LHFPL6: variants seen among roughly 807,000 people sequenced by gnomAD.
LHFPL6 encodes the protein LHFPL tetraspan subfamily member 6.
In LHFPL6, 9 loss-of-function variants were observed where a neutral mutation model predicts 20.6. The ratio of observed to expected loss-of-function variants is 0.44; its 90% CI spans 0.26 to 0.76. LHFPL6 has a LOEUF of 0.76. LHFPL6 is among the 30% of genes least tolerant of loss of function. LHFPL6 has a pLI of 0.20. For synonymous variants in LHFPL6, 105 were observed against 98.7 expected (o/e 1.06, Z -0.38); for missense variants, 218 against 253.5 (o/e 0.86, Z 0.95).
intron 3 of LHFPL6, among the ~76,000 whole-genome samples, chr13:39,371,675 A>C (rs918455050): frequency 2.0e-5 from 3 of 152,246 alleles, no homozygotes; most frequent in African/African-American, 4.8e-5. Context: ...GACAAAAGAA[A>C]GAAAAGACTA....
At chr13:39,394,625 G>A (rs533291230) in intron 2 of LHFPL6, among the ~76,000 whole-genome samples, 15 of 152,222 alleles carry the variant, frequency 9.9e-5, no homozygotes, top group African/African-American at 3.6e-4. Context: ...TACTCCATGG[G>A]TAGCCTTGTT....
At chr13:39,403,153 A>G (rs1871033944) in intron 2 of LHFPL6, among the ~76,000 whole-genome samples, 1 of 152,234 alleles carries the variant, frequency 6.6e-6, no homozygotes, top group Admixed American at 6.5e-5. Flanking sequence ...AACAGGGATC[A>G]ATACATTGTG....
chr13:39,527,723 C>T (rs1870339927), intron 2 of LHFPL6, among the ~76,000 whole-genome samples: 1 of 151,700 alleles, frequency 6.6e-6, no homozygotes, highest in African/African-American at 2.4e-5. Flanking sequence ...TGTTACTTAG[C>T]TTTTACAGTT....
intron 3 of LHFPL6, among the ~76,000 whole-genome samples, chr13:39,370,491 C>T (rs1042184830): frequency 2.6e-5 from 4 of 152,168 alleles, no homozygotes; most frequent in African/African-American, 9.7e-5. Context: ...GCCTACATTT[C>T]AATGCATGTT....
intron 2 of LHFPL6, among the ~76,000 whole-genome samples, chr13:39,415,126 T>G (rs1483581859): frequency 6.6e-6 from 1 of 152,216 alleles, no homozygotes; most frequent in African/African-American, 2.4e-5. Context: ...TAGTTTAACT[T>G]GTGCTGTGCT....
rs760482638 is a variant in LHFPL6, at chr13:39,465,271, A to T, written c.386-86745T>A. On this transcript the variant is annotated intron_variant, in intron 2 of 3. Coordinates refer to ENST00000379589, the MANE Select transcript of LHFPL6 (RefSeq NM_005780.3). ...GAAATGTTAAAGTGGCTGTACCAAT[A>T]CTAATTTCTAGAGTGACTGAGACTG... is the stretch of plus-strand genomic sequence containing the variant. 1.3e-5 allele frequency among the ~76,000 whole-genome samples: 2 copies of T among 152,126 alleles called. 1 individual carries two copies. Among genetic ancestry groups the T allele is most frequent in the Non-Finnish European group, 2.9e-5 (2 of 68,014 alleles).
At chr13:39,516,291 G>T (rs2138480712) in intron 2 of LHFPL6, among the ~76,000 whole-genome samples, 1 of 152,292 alleles carries the variant, frequency 6.6e-6, no homozygotes, top group Non-Finnish European at 1.5e-5. Flanking sequence ...TAATTTATTT[G>T]CAGGCCATCC....
intron 2 of LHFPL6, among the ~76,000 whole-genome samples, chr13:39,560,624 C>T (rs1871446903): frequency 6.7e-6 from 1 of 149,910 alleles, no homozygotes; most frequent in Non-Finnish European, 1.5e-5. Flanking sequence ...ACGCCATTCT[C>T]CTACCTCAGC....
intron 2 of LHFPL6, among the ~76,000 whole-genome samples, chr13:39,442,807 C>T (rs1274929666): frequency 2.6e-5 from 4 of 152,136 alleles, no homozygotes; most frequent in Non-Finnish European, 1.5e-5. Context: ...CTTCTTAAAA[C>T]TCCATCCCTC....
chr13:39,592,274 A>C (rs978170215), intron 2 of LHFPL6, among the ~76,000 whole-genome samples: 1 of 152,206 alleles, frequency 6.6e-6, no homozygotes, highest in Non-Finnish European at 1.5e-5. Context: ...AACATCATTT[A>C]AAAACATTAT....
rs561350927 is a variant in LHFPL6, at chr13:39,601,042, G to C, written c.175C>G (p.Arg59Gly). 5 of 1,614,036 alleles carry C rather than the reference G, an allele frequency of 3.1e-6. No individual in the cohort carries two copies. The highest frequency in any genetic ancestry group is 4.2e-6 in the Non-Finnish European group (5 of 1,180,044). The change falls in exon 2 of 4, where the codon CGG (arginine) becomes GGG (glycine). Residue 59 changes from arginine (R) to glycine (G), a missense_variant. Transcript: ENST00000379589. ...RCSYPVHDES[R>G]QMMVMVEECG... ...TCCTCCACCATCACCATCATCTGCC[G>C]ACTCTCATCATGCACAGGATATGAG...
At chr13:39,468,932 TA>T (rs1239357359) in intron 2 of LHFPL6, among the ~76,000 whole-genome samples, 2 of 151,914 alleles carry the variant, frequency 1.3e-5, no homozygotes, top group African/African-American at 4.8e-5. Context: ...CTGTATCAAG[TA>T]AACCCCAAAG....
chr13:39,347,351 A>C (rs1477111685), intron 3 of LHFPL6, among the ~76,000 whole-genome samples: 1 of 152,164 alleles, frequency 6.6e-6, no homozygotes, highest in African/African-American at 2.4e-5. Context: ...CTAATAAATA[A>C]TTGTTGAATG....
chr13:39,387,735 A>C (rs1870603911), intron 2 of LHFPL6, among the ~76,000 whole-genome samples: 1 of 151,882 alleles, frequency 6.6e-6, no homozygotes. Flanking sequence ...CCAAATCCCC[A>C]AGTGTTCACT....
chr13:39,597,687 T>C (rs540143572), intron 2 of LHFPL6, among the ~76,000 whole-genome samples: 1 of 152,304 alleles, frequency 6.6e-6, no homozygotes, highest in African/African-American at 2.4e-5. Flanking sequence ...CAATTAAAGT[T>C]TCTGTACAGA....
chr13:39,410,036 T>C (rs1296073774), intron 2 of LHFPL6, among the ~76,000 whole-genome samples: 1 of 152,204 alleles, frequency 6.6e-6, no homozygotes, highest in Non-Finnish European at 1.5e-5. Flanking sequence ...AGCTTTCACT[T>C]AATATAAAAA....
At chr13:39,368,156 C>T (rs1055432603) in intron 3 of LHFPL6, among the ~76,000 whole-genome samples, 1 of 151,948 alleles carries the variant, frequency 6.6e-6, no homozygotes, top group Non-Finnish European at 1.5e-5. Flanking sequence ...ATGGTGAAAC[C>T]CTGTCTCTAC....
chr13:39,433,058 C>T (rs1871857933), intron 2 of LHFPL6, among the ~76,000 whole-genome samples: 1 of 152,198 alleles, frequency 6.6e-6, no homozygotes, highest in Non-Finnish European at 1.5e-5. Flanking sequence ...TAGATCTTGC[C>T]TTCTGATGCT....
rs1566142159 is a variant in LHFPL6 at position 39,562,569 on chromosome 13, C to CACATATACATAT, written c.385+38262_385+38263insATATGTATATGT. Reference sequence around the variant, plus strand: ...ATACATATATACACATACATATACACATACATATATACACATATATACATA... The same window carrying CACATATACATAT: ...ATACATATATACACATACATATACACACATATACATATATACATATATACACATATATACATA... On this transcript the variant is annotated intron_variant, in intron 2 of 3. Coordinates refer to ENST00000379589, the MANE Select transcript of LHFPL6 (RefSeq NM_005780.3). Among the ~76,000 whole-genome samples, 169 of 92,372 alleles carry CACATATACATAT rather than the reference C, an allele frequency of 1.8e-3. 1 individual carries two copies. The highest frequency in any genetic ancestry group is 2.8e-3 in the Non-Finnish European group (113 of 39,680). 60.6% of individuals were successfully genotyped at this position (92,372 alleles called of 152,430 possible).
Sources: gnomAD v4.1 joint callset for allele counts (sites outside exome capture counted in the v4.1 genomes callset) on GRCh38, gnomAD v4.1.1 for gene constraint, MANE v1.5 for transcripts, NCBI Gene and HGNC (gene_info 2026-07-23, HGNC 2026-07-21) for gene names.